Variants in VEZT observed in about 807,000 individuals in gnomAD.
VEZT encodes vezatin, adherens junctions transmembrane protein.
Under a neutral mutation model 79.9 loss-of-function variants are expected in VEZT, and 39 were observed. The ratio of observed to expected loss-of-function variants is 0.49; its 90% CI spans 0.38 to 0.64. VEZT has a LOEUF of 0.64. Ranked by LOEUF, VEZT falls within the 30% of genes least tolerant of loss-of-function variation. The pLI is 0.00. For missense variants in VEZT, 837 were observed against 893.1 expected (o/e 0.94, Z 0.80); for synonymous variants, 325 against 327.6 (o/e 0.99, Z 0.09).
intron 1 of VEZT, among the ~76,000 whole-genome samples, chr12:95,235,396 C>T (rs1450133162): frequency 1.6e-5 from 2 of 127,436 alleles, no homozygotes; most frequent in Admixed American, 7.7e-5. Flanking sequence ...CCGGACGGGG[C>T]GGCTGGCTGG....
chr12:95,235,567 C>T (rs569356613), intron 1 of VEZT, among the ~76,000 whole-genome samples: 7,723 of 136,764 alleles, frequency 0.056, 294 homozygotes, highest in Non-Finnish European at 0.083. Flanking sequence ...CCCTCCCGGA[C>T]GGGGCGGCTG....
chr12:95,224,228 G>T (rs763147071), intron 1 of VEZT: 6 of 455,936 alleles, frequency 1.3e-5, no homozygotes, highest in Non-Finnish European at 2.6e-5. Context: ...AGGAAAGAGC[G>T]CCAGAGAGGT....
chr12:95,295,785 C>A (rs1477400560), intron 10 of VEZT, among the ~76,000 whole-genome samples: 3 of 152,166 alleles, frequency 2.0e-5, no homozygotes, highest in Non-Finnish European at 4.4e-5. Context: ...TGGTATGTTA[C>A]CAGAGTAGAA....
chr12:95,296,206 A>T lies in VEZT; in HGVS notation c.1779A>T (p.Lys593Asn). 6.3e-7 allele frequency: 1 copy of T among 1,588,534 alleles called. No individual in the cohort carries two copies. ...AATTAAAATCTGTGCTGGGATTTAA[A>T]GCTTCAGAGGCAGAAAGGCAGAAGT... ...LQELKSVLGF[K>N]ASEAERQKWK... The change falls in exon 11 of 12, where the codon AAA (lysine) becomes AAT (asparagine). Residue 593 changes from lysine to asparagine, a missense_variant. Coordinates refer to ENST00000436874, the MANE Select transcript of VEZT (RefSeq NM_017599.4).
chr12:95,246,629 A>G lies in VEZT; in HGVS notation c.37-5311A>G, dbSNP rs533688587. Among the ~76,000 whole-genome samples, 15 of 152,312 alleles carry G rather than the reference A, an allele frequency of 9.8e-5. No homozygotes were observed. The South Asian group carries it at 1.0e-3, about 11-fold the overall frequency. On this transcript the variant is annotated intron_variant, in intron 1 of 11. Coordinates refer to ENST00000436874, the MANE Select transcript of VEZT (RefSeq NM_017599.4). ...AACCAAAGGTTCTTGGCTGTTTTTCATTTAGCAAAATTCTTTCTGGTGTTA... is the reference window on the plus strand; with the variant it reads ...AACCAAAGGTTCTTGGCTGTTTTTCGTTTAGCAAAATTCTTTCTGGTGTTA...
In VEZT at chr12:95,263,015, G is replaced by C; in HGVS notation, c.368G>C (p.Gly123Ala). The change falls in exon 4 of 12, where the codon GGG becomes GCG. Residue 123 changes from glycine to alanine, a missense_variant. Transcript: ENST00000436874. ...ELLDPSILSA[G>A]QSQQQENGHL... ...CTTGATCCCAGTATCCTGTCTGCAG[G>C]GCAATCTCAACAACAGGAAAATGGA... 1 of 1,612,834 alleles carries C rather than the reference G, an allele frequency of 6.2e-7. No homozygotes were observed. Among genetic ancestry groups the C allele is most frequent in the Non-Finnish European group, 8.5e-7 (1 of 1,179,082 alleles).
intron 1 of VEZT, chr12:95,224,038 A>G (rs2058034485): frequency 3.2e-6 from 1 of 307,988 alleles, no homozygotes; most frequent in Non-Finnish European, 6.6e-6. Context: ...TTTATTTCTT[A>G]TTTAATACCC....
chr12:95,300,754 G>A lies in VEZT; in HGVS notation c.*81G>A. On this transcript the variant is annotated 3_prime_UTR_variant, in exon 12 of 12. Transcript: ENST00000436874. ...CTTCAAGACTGGAAAGGGAATATGA[G>A]TGTAAGTTTACTATATATAAAGCTA... is the stretch of plus-strand genomic sequence containing the variant. 1.4e-6 allele frequency: 2 copies of A among 1,437,618 alleles called. No homozygotes were observed. The highest frequency in any genetic ancestry group is 1.8e-6 in the Non-Finnish European group (2 of 1,100,148). The allele number at this position is 1,437,618 out of a possible 1,614,324, so 89.1% of individuals were successfully genotyped here. A position where few individuals can be genotyped will look rare whatever the true frequency, so the allele number is the denominator to read the frequency against.
intron 3 of VEZT, among the ~76,000 whole-genome samples, chr12:95,260,823 C>T (rs1156627649): frequency 6.6e-6 from 1 of 152,042 alleles, no homozygotes. Flanking sequence ...CCTTTTTTCT[C>T]CCCTCTGAAC....
chr12:95,273,694 G>A (rs2067087919), intron 6 of VEZT, among the ~76,000 whole-genome samples: 2 of 152,182 alleles, frequency 1.3e-5, no homozygotes, highest in East Asian at 1.9e-4. Context: ...TGAAAATACT[G>A]TAATCTCAAT....
chr12:95,270,333 C>A, intron 6 of VEZT, 145 bp downstream of exon 6: 3 of 836,850 alleles, frequency 3.6e-6, no homozygotes, highest in South Asian at 1.9e-5. Flanking sequence ...TATGTTAAAA[C>A]TGGAAATGCA....
chr12:95,220,149 G>A (rs1291060503), intron 1 of VEZT, among the ~76,000 whole-genome samples: 1 of 152,110 alleles, frequency 6.6e-6, no homozygotes, highest in Non-Finnish European at 1.5e-5. Flanking sequence ...CATGTAACCA[G>A]CACCCAGATC....
intron 8 of VEZT, among the ~76,000 whole-genome samples, chr12:95,284,084 A>G (rs1175418475): frequency 1.3e-5 from 2 of 152,188 alleles, no homozygotes; most frequent in Non-Finnish European, 2.9e-5. Context: ...ACATGAACAC[A>G]AAAAAGAGGA....
chr12:95,265,536 C>T (rs2065366359), intron 4 of VEZT, among the ~76,000 whole-genome samples: 2 of 150,714 alleles, frequency 1.3e-5, no homozygotes, highest in Non-Finnish European at 2.9e-5. Flanking sequence ...TCTATAAAAT[C>T]GGATTTTAAA....
chr12:95,286,898 G>A (rs907462530), intron 8 of VEZT: 15 of 242,764 alleles, frequency 6.2e-5, no homozygotes, highest in Middle Eastern at 3.5e-3. Flanking sequence ...TGGGTCATGG[G>A]TCTGTGGTGT....
At chr12:95,271,107 A>G (rs190215621) in intron 6 of VEZT, among the ~76,000 whole-genome samples, 204 of 152,362 alleles carry the variant, frequency 1.3e-3, no homozygotes, top group Non-Finnish European at 2.4e-3. Context: ...GTGCAGTATC[A>G]TACAACTACT....
intron 1 of VEZT, among the ~76,000 whole-genome samples, chr12:95,229,205 T>C (rs1291799169): frequency 6.6e-6 from 1 of 152,250 alleles, no homozygotes; most frequent in Non-Finnish European, 1.5e-5. Context: ...GTTTCTGTTT[T>C]ATGTCTAAAC....
Position 95,258,593 on chromosome 12 carries a change from G to C in VEZT, c.258+1354G>C, listed in dbSNP as rs771541957. 2.0e-4 allele frequency among the ~76,000 whole-genome samples: 31 copies of C among 152,184 alleles called. 1 individual carries two copies. The highest frequency in any genetic ancestry group is 3.4e-4 in the Non-Finnish European group (23 of 67,998). On this transcript the variant is annotated intron_variant, in intron 3 of 11. Coordinates refer to ENST00000436874, the MANE Select transcript of VEZT (RefSeq NM_017599.4). The stretch of plus-strand genomic sequence containing the variant: ...TGTTAGCTATACAGATATTGAAGCA[G>C]GCCCTCATTTCTTTTGTAAGAATAT...
chr12:95,219,718 G>A (rs777476509), intron 1 of VEZT, among the ~76,000 whole-genome samples: 1 of 152,140 alleles, frequency 6.6e-6, no homozygotes, highest in Non-Finnish European at 1.5e-5. Context: ...TAAGACTTAC[G>A]CAGAAAGGTT....
Sources: gnomAD v4.1 joint callset for allele counts (sites outside exome capture counted in the v4.1 genomes callset) on GRCh38, gnomAD v4.1.1 for gene constraint, MANE v1.5 for transcripts, NCBI Gene and HGNC (gene_info 2026-07-23, HGNC 2026-07-21) for gene names.